Variants in KCNH7 observed in about 807,000 individuals in gnomAD.
KCNH7 encodes potassium voltage-gated channel subfamily H member 7.
A neutral mutation model predicts 120.8 loss-of-function variants in KCNH7; 49 were observed. The ratio of observed to expected loss-of-function variants is 0.41; its 90% CI spans 0.32 to 0.51. The LOEUF (loss-of-function observed/expected upper bound fraction) is 0.51. Among genes scored for constraint, KCNH7 ranks in the 20% least tolerant of loss-of-function variants. The pLI is 0.38. For synonymous variants in KCNH7, 547 were observed against 516.1 expected (o/e 1.06, Z -0.81); for missense variants, 1,097 against 1,446.6 (o/e 0.76, Z 3.92).
intron 2 of KCNH7, among the ~76,000 whole-genome samples, chr2:162,722,922 A>C (rs1687379868): frequency 6.8e-6 from 1 of 146,190 alleles, no homozygotes; most frequent in South Asian, 2.1e-4. Context: ...CTTCTAGTGA[A>C]TGTTTCAATT....
intron 2 of KCNH7, among the ~76,000 whole-genome samples, chr2:162,803,917 G>T (rs1684437211): frequency 7.4e-6 from 1 of 135,112 alleles, no homozygotes; most frequent in African/African-American, 2.8e-5. Flanking sequence ...GTTTCCAATT[G>T]TCTAAAAAAA....
chr2:162,786,217 TG>T (rs1683696124), intron 2 of KCNH7, among the ~76,000 whole-genome samples: 1 of 127,972 alleles, frequency 7.8e-6, no homozygotes, highest in African/African-American at 3.1e-5. Flanking sequence ...CACTCCAGCC[TG>T]GGCAATAGAG....
intron 8 of KCNH7, among the ~76,000 whole-genome samples, chr2:162,427,088 A>G (rs1413401774): frequency 1.3e-5 from 2 of 151,986 alleles, no homozygotes; most frequent in South Asian, 2.1e-4. Context: ...GATGTGCATC[A>G]TATGGCTATA....
intron 2 of KCNH7, among the ~76,000 whole-genome samples, chr2:162,599,433 C>G (rs931528811): frequency 2.0e-5 from 3 of 151,816 alleles, no homozygotes; most frequent in Non-Finnish European, 4.4e-5. Context: ...GTTGTGAAAT[C>G]AAATTAGAAT....
At chr2:162,520,162 T>G (rs1014079586) in intron 3 of KCNH7, among the ~76,000 whole-genome samples, 2 of 146,048 alleles carry the variant, frequency 1.4e-5, no homozygotes, top group Non-Finnish European at 3.0e-5. Flanking sequence ...AGGCTTTTTT[T>G]TTTTTTTTTT....
chr2:162,652,933 AT>A (rs1203565574), intron 2 of KCNH7, among the ~76,000 whole-genome samples: 1 of 152,162 alleles, frequency 6.6e-6, no homozygotes, highest in Non-Finnish European at 1.5e-5. Flanking sequence ...ACCTTCTTTC[AT>A]TTTTTGAATT....
chr2:162,426,749 A>G lies in KCNH7; in HGVS notation c.1955-3214T>C, dbSNP rs1304715973. On this transcript the variant is annotated intron_variant, in intron 8 of 15. Coordinates refer to ENST00000332142, the MANE Select transcript of KCNH7 (RefSeq NM_033272.4). ...GATGTGTAATTTATATGTAAGATGC[A>G]TCTATTTTAAGTGTATAGTTCAATT... is the stretch of plus-strand genomic sequence containing the variant. 2.0e-5 allele frequency among the ~76,000 whole-genome samples: 3 copies of G among 152,170 alleles called. 1 individual carries two copies. Among genetic ancestry groups the G allele is most frequent in the Middle Eastern group, 6.3e-3 (2 of 316 alleles).
intron 2 of KCNH7, among the ~76,000 whole-genome samples, chr2:162,711,342 C>T (rs1686923642): frequency 6.6e-6 from 1 of 152,214 alleles, no homozygotes; most frequent in Non-Finnish European, 1.5e-5. Flanking sequence ...ATCTATTAGT[C>T]TCTGGCTTTG....
chr2:162,677,113 G>A (rs1016952142), intron 2 of KCNH7, among the ~76,000 whole-genome samples: 2 of 151,418 alleles, frequency 1.3e-5, no homozygotes, highest in Non-Finnish European at 3.0e-5. Flanking sequence ...AGCAATCACA[G>A]CAAATCCATA....
intron 2 of KCNH7, among the ~76,000 whole-genome samples, chr2:162,622,761 G>A (rs1213927335): frequency 6.6e-6 from 1 of 152,128 alleles, no homozygotes; most frequent in South Asian, 2.1e-4. Flanking sequence ...AGAATAAAAA[G>A]TCCTGATTAC....
intron 13 of KCNH7, among the ~76,000 whole-genome samples, chr2:162,381,915 CAGT>C (rs1023604593): frequency 6.6e-6 from 1 of 152,018 alleles, no homozygotes; most frequent in African/African-American, 2.4e-5. Flanking sequence ...AAGATTGGGC[CAGT>C]AATGCTAAGC....
At chr2:162,511,341 A>T (rs1386582508) in intron 5 of KCNH7, among the ~76,000 whole-genome samples, 2 of 151,716 alleles carry the variant, frequency 1.3e-5, no homozygotes, top group East Asian at 3.9e-4. Flanking sequence ...ATTTACTGCT[A>T]ATTGTTAAAT....
At chr2:162,633,408 C>G (rs555100285) in intron 2 of KCNH7, among the ~76,000 whole-genome samples, 1 of 152,006 alleles carries the variant, frequency 6.6e-6, no homozygotes, top group African/African-American at 2.4e-5. Flanking sequence ...TCTTTTTTCA[C>G]AGTTTATGGT....
chr2:162,830,455 A>G (rs1685439361), intron 2 of KCNH7, among the ~76,000 whole-genome samples: 1 of 152,246 alleles, frequency 6.6e-6, no homozygotes, highest in Non-Finnish European at 1.5e-5. Flanking sequence ...CAACACACTC[A>G]ATAAGCCTAA....
At chr2:162,746,530 A>G (rs1005839749) in intron 2 of KCNH7, among the ~76,000 whole-genome samples, 3 of 152,140 alleles carry the variant, frequency 2.0e-5, no homozygotes, top group Non-Finnish European at 2.9e-5. Context: ...TCACACTGCC[A>G]GACTTTACAC....
chr2:162,445,931 CA>C (rs1296263458), intron 7 of KCNH7, 86 bp downstream of exon 7: 1 of 1,030,866 alleles, frequency 9.7e-7, no homozygotes, highest in East Asian at 2.6e-5. Flanking sequence ...AAGAAGCTTG[CA>C]AAGCAACTCT....
intron 2 of KCNH7, among the ~76,000 whole-genome samples, chr2:162,628,468 G>A (rs1251317637): frequency 6.6e-6 from 1 of 152,008 alleles, no homozygotes; most frequent in Non-Finnish European, 1.5e-5. Flanking sequence ...TTACTCAGGG[G>A]TACATAAGCG....
At chr2:162,585,886 A>AAATGTGTG (rs1341235653) in intron 2 of KCNH7, among the ~76,000 whole-genome samples, 5 of 152,042 alleles carry the variant, frequency 3.3e-5, no homozygotes, top group African/African-American at 1.2e-4. Context: ...GAAATGCAAT[A>AAATGTGTG]AATGTGTGAA....
chr2:162,563,042 G>A lies in KCNH7; in HGVS notation c.308-25962C>T, dbSNP rs148789814. On this transcript the variant is annotated intron_variant, in intron 2 of 15. Transcript: ENST00000332142. ...CAGAAACACAGGGTCACTTTTCATA[G>A]GGTAATTATTTTTGACACTTGTAAT... Among the ~76,000 whole-genome samples, 407 of 151,916 alleles carry A rather than the reference G, an allele frequency of 2.7e-3. 1 individual carries two copies. The highest frequency in any genetic ancestry group is 9.3e-3 in the African/African-American group (385 of 41,530).
Sources: allele counts gnomAD v4.1 joint callset (sites outside exome capture counted in the v4.1 genomes callset), GRCh38; gene constraint gnomAD v4.1.1; transcripts MANE v1.5; gene names NCBI Gene and HGNC (gene_info 2026-07-23, HGNC 2026-07-21).